Variants in CHCHD4 observed in about 807,000 individuals in gnomAD.
The protein encoded by CHCHD4 is mitochondrial intermembrane space import and assembly protein 40.
A neutral mutation model predicts 12.4 loss-of-function variants in CHCHD4; 7 were observed. The ratio of observed to expected loss-of-function variants is 0.57; its 90% CI spans 0.32 to 1.06. The LOEUF is 1.06. CHCHD4 is among the 50% of genes least tolerant of loss of function. CHCHD4 has a pLI of 0.04. For synonymous variants in CHCHD4, 56 were observed against 58.0 expected (o/e 0.97, Z 0.16); for missense variants, 143 against 175.1 (o/e 0.82, Z 1.03).
At position 14,124,738 on chromosome 3, in the gene CHCHD4, C is replaced by T; in HGVS notation, c.-62G>A. 6.7e-7 allele frequency: 1 copy of T among 1,497,242 alleles called. No homozygotes were observed. Among genetic ancestry groups the T allele is most frequent in the East Asian group, 2.7e-5 (1 of 37,144 alleles). The allele number at this position is 1,497,242 out of a possible 1,614,324, so 92.7% of individuals were successfully genotyped here. A position where few individuals can be genotyped will look rare whatever the true frequency, so the allele number is the denominator to read the frequency against. On this transcript the variant is annotated 5_prime_UTR_variant, in exon 1 of 3. Transcript: ENST00000396914. Reference sequence around the variant, plus strand: ...GGTGGCGGCAGCTGCACCTTTACGCCGTGACCTCCCTCTCCTCTGGCAGGG... The same window carrying T: ...GGTGGCGGCAGCTGCACCTTTACGCTGTGACCTCCCTCTCCTCTGGCAGGG...
intron 1 of CHCHD4, among the ~76,000 whole-genome samples, chr3:14,122,399 T>C (rs568194539): frequency 6.6e-6 from 1 of 152,356 alleles, no homozygotes; most frequent in East Asian, 1.9e-4. Flanking sequence ...GTGTGCTCTA[T>C]AATTGTTGAC....
intron 2 of CHCHD4, 82 bp from the exon 3 acceptor site, chr3:14,113,276 G>T: frequency 8.7e-7 from 1 of 1,147,252 alleles, no homozygotes; most frequent in Non-Finnish European, 1.3e-6. Flanking sequence ...TACTGAGGGG[G>T]TGCAGAACAG....
In CHCHD4 at chr3:14,112,905, T is replaced by C. The variant is rs1160321391; in HGVS notation, c.411A>G (p.Glu137=). 2 of 1,612,476 alleles carry C rather than the reference T, an allele frequency of 1.2e-6. No homozygotes were observed. Among genetic ancestry groups the C allele is most frequent in the South Asian group, 1.1e-5 (1 of 90,820 alleles). The change falls in exon 3 of 3, where the codon GAA becomes GAG. Residue 137 remains glutamate (E), a synonymous_variant. Coordinates refer to ENST00000396914, the MANE Select transcript of CHCHD4 (RefSeq NM_001098502.2). ...GCCTTCATTAACTTGATCCCTCCTC[T>C]TCTTTGGTTGCAGTGGCCTCAATGG... ...TAPIEATATK[E]EEGSS
intron 1 of CHCHD4, among the ~76,000 whole-genome samples, chr3:14,119,749 CAG>C (rs1406862695): frequency 1.3e-5 from 2 of 152,168 alleles, no homozygotes; most frequent in East Asian, 1.9e-4. Flanking sequence ...TTCAATATCA[CAG>C]AGAGTCTGAG....
At chr3:14,124,301 T>C (rs1055367250) in intron 1 of CHCHD4, among the ~76,000 whole-genome samples, 1 of 152,018 alleles carries the variant, frequency 6.6e-6, no homozygotes, top group Non-Finnish European at 1.5e-5. Flanking sequence ...GCAGGAGCGG[T>C]AGTGATAATT....
chr3:14,112,992 C>T lies in CHCHD4; in HGVS notation c.324G>A (p.Glu108=), dbSNP rs1233783585. The change falls in exon 3 of 3, where the codon GAG becomes GAA. Residue 108 remains glutamate, a synonymous_variant. Coordinates refer to ENST00000396914, the MANE Select transcript of CHCHD4 (RefSeq NM_001098502.2). ...CTCTTTCCTCTTCCTCATCCTCATCCTCTTGGGGATAGAGGTCTGGGTATT... is the reference window on the plus strand; with the variant it reads ...CTCTTTCCTCTTCCTCATCCTCATCTTCTTGGGGATAGAGGTCTGGGTATT... ...MQKYPDLYPQ[E]DEDEEEEREK... is the part of the protein sequence containing the mutation. 1 of 1,613,696 alleles carries T rather than the reference C, an allele frequency of 6.2e-7. No individual in the cohort carries two copies. Among genetic ancestry groups the T allele is most frequent in the Non-Finnish European group, 8.5e-7 (1 of 1,179,880 alleles).
chr3:14,124,772 T>A lies in CHCHD4; in HGVS notation c.-96A>T. 1.5e-6 allele frequency: 2 copies of A among 1,365,864 alleles called. No homozygotes were observed. The highest frequency in any genetic ancestry group is 1.9e-6 in the Non-Finnish European group (2 of 1,026,484). The allele number at this position is 1,365,864 out of a possible 1,614,324, so 84.6% of individuals were successfully genotyped here. A position where few individuals can be genotyped will look rare whatever the true frequency, so the allele number is the denominator to read the frequency against. ...CCTCTCCTCTGGCAGGGCGGGCTCC[T>A]CCGAAGCCCGCGCGGACCCGCCCCC... On this transcript the variant is annotated 5_prime_UTR_variant, in exon 1 of 3. Transcript: ENST00000396914.
chr3:14,116,624 C>T, intron 1 of CHCHD4, 100 bp from the exon 2 acceptor site: 1 of 821,956 alleles, frequency 1.2e-6, no homozygotes, highest in African/African-American at 1.8e-5. Flanking sequence ...TGAAGACTCT[C>T]CCATATGCCA....
intron 1 of CHCHD4, 138 bp downstream of exon 1, chr3:14,124,517 C>T (rs774768229): frequency 1.6e-5 from 10 of 636,370 alleles, no homozygotes; most frequent in East Asian, 3.5e-5. Flanking sequence ...CCAGCCGGCC[C>T]GCCTCCGAGT....
intron 1 of CHCHD4, among the ~76,000 whole-genome samples, chr3:14,119,706 C>G (rs1694912667): frequency 6.6e-6 from 1 of 152,170 alleles, no homozygotes; most frequent in African/African-American, 2.4e-5. Flanking sequence ...GGAAAACTAC[C>G]TTAAACCCTC....
chr3:14,121,803 C>T lies in CHCHD4; in HGVS notation c.22+2852G>A, dbSNP rs919692048. The T allele has an allele frequency of 8.3e-6, 13 of 1,566,806 alleles. No individual in the cohort carries two copies. In the African/African-American group the frequency reaches 1.6e-4, roughly 20 times the overall value. Reference sequence around the variant, plus strand: ...GACTTTCATGTTTAGAATCTAACCCCTTTGAAAGATACAACTCCCCCATAC... The same window carrying T: ...GACTTTCATGTTTAGAATCTAACCCTTTTGAAAGATACAACTCCCCCATAC... On this transcript the variant is annotated intron_variant, in intron 1 of 2. Coordinates refer to ENST00000396914, the MANE Select transcript of CHCHD4 (RefSeq NM_001098502.2).
chr3:14,113,907 TTTTC>T (rs1694848506), intron 2 of CHCHD4, among the ~76,000 whole-genome samples: 1 of 152,222 alleles, frequency 6.6e-6, no homozygotes, highest in Non-Finnish European at 1.5e-5. Flanking sequence ...CTTTTATACC[TTTTC>T]TTATCATTGA....
At chr3:14,123,562 C>T (rs764566558) in intron 1 of CHCHD4, among the ~76,000 whole-genome samples, 15 of 152,168 alleles carry the variant, frequency 9.9e-5, no homozygotes, top group Non-Finnish European at 1.6e-4. Context: ...ACAGGTAGGC[C>T]ACCTCCTTCT....
rs1020211022 is a variant in CHCHD4, at chr3:14,124,764, C to A, written c.-88G>T. On this transcript the variant is annotated 5_prime_UTR_variant, in exon 1 of 3. Transcript: ENST00000396914. ...GTGACCTCCCTCTCCTCTGGCAGGG[C>A]GGGCTCCTCCGAAGCCCGCGCGGAC... is the stretch of plus-strand genomic sequence containing the variant. The A allele has an allele frequency of 1.1e-5, 16 of 1,403,082 alleles. No homozygotes were observed. The highest frequency in any genetic ancestry group is 7.5e-5 in the African/African-American group (5 of 66,586). The allele number at this position is 1,403,082 out of a possible 1,614,324, so 86.9% of individuals were successfully genotyped here. A position where few individuals can be genotyped will look rare whatever the true frequency, so the allele number is the denominator to read the frequency against.
chr3:14,118,828 G>A (rs895382785), intron 1 of CHCHD4, among the ~76,000 whole-genome samples: 7 of 152,250 alleles, frequency 4.6e-5, no homozygotes, highest in African/African-American at 1.7e-4. Flanking sequence ...AGCAGAATGA[G>A]CTGATGCAAA....
In CHCHD4 at chr3:14,112,974, C is replaced by T; in HGVS notation, c.342G>A (p.Glu114=). The T allele has an allele frequency of 6.2e-7, 1 of 1,613,428 alleles. No homozygotes were observed. The highest frequency in any genetic ancestry group is 8.5e-7 in the Non-Finnish European group (1 of 1,179,690). Reference sequence around the variant, plus strand: ...GTTCTGCTGGCTTCTTCTCTCTTTCCTCTTCCTCATCCTCATCCTCTTGGG... The same window carrying T: ...GTTCTGCTGGCTTCTTCTCTCTTTCTTCTTCCTCATCCTCATCCTCTTGGG... ...LYPQEDEDEE[E]EREKKPAEQA... Residue 114 remains glutamate (E), a synonymous_variant, in exon 3 of 3, where the codon GAG becomes GAA. Transcript: ENST00000396914.
chr3:14,122,850 A>C (rs548234198), intron 1 of CHCHD4, among the ~76,000 whole-genome samples: 1 of 152,368 alleles, frequency 6.6e-6, no homozygotes, highest in Admixed American at 6.5e-5. Flanking sequence ...ATGAGGAGTC[A>C]GCCACGGAAG....
chr3:14,114,727 G>A (rs979552302), intron 2 of CHCHD4, among the ~76,000 whole-genome samples: 6 of 152,086 alleles, frequency 3.9e-5, no homozygotes, highest in East Asian at 1.9e-4. Flanking sequence ...TTGTTTCTTA[G>A]GGGCAGGTAA....
At chr3:14,122,926 G>T (rs1694952555) in intron 1 of CHCHD4, among the ~76,000 whole-genome samples, 1 of 152,076 alleles carries the variant, frequency 6.6e-6, no homozygotes, top group Non-Finnish European at 1.5e-5. Flanking sequence ...CAGCAAAAGG[G>T]TGGGAAGAGA....
Sources: allele counts gnomAD v4.1 joint callset (sites outside exome capture counted in the v4.1 genomes callset), GRCh38; gene constraint gnomAD v4.1.1; transcripts MANE v1.5; gene names NCBI Gene and HGNC (gene_info 2026-07-23, HGNC 2026-07-21).